The following SPINT1 variants were observed in gnomAD, a reference collection of about 807,000 sequenced individuals.
SPINT1 encodes the protein serine peptidase inhibitor, Kunitz type 1, also known as kunitz-type protease inhibitor 1.
Under a neutral mutation model 53.7 loss-of-function variants are expected in SPINT1, and 38 were observed. The observed-to-expected ratio is 0.71, with a 90% CI of 0.55 to 0.93. The LOEUF is 0.93. SPINT1 is among the 40% of genes least tolerant of loss of function. The pLI, the probability that SPINT1 is intolerant of heterozygous loss-of-function variation, is 0.00. For missense variants in SPINT1, 645 were observed against 692.9 expected, an observed-to-expected ratio of 0.93 and a Z score of 0.78; for synonymous variants, 283 against 280.6, an observed-to-expected ratio of 1.01 and a Z score of -0.08.
At chr15:40,856,648 T>G in intron 10 of SPINT1, 122 bp from the exon 11 acceptor site, 1 of 1,522,426 alleles carries the variant, frequency 6.6e-7, no homozygotes, top group Non-Finnish European at 8.8e-7. Flanking sequence ...GAGGTCTGAG[T>G]CGGGTGCCCA....
In SPINT1 at chr15:40,844,664, C is replaced by T. The variant is rs751615505; in HGVS notation, c.110C>T (p.Pro37Leu). 5 of 1,604,954 alleles carry T rather than the reference C, an allele frequency of 3.1e-6. No homozygotes were observed. The highest frequency in any genetic ancestry group is 8.5e-7 in the Non-Finnish European group (1 of 1,176,072). ...GGCCTCCAGGGCACCCAGGCCGGGC[C>T]ACCGCCCGCGCCCCCTGGGCTGCCC... ...TLGLQGTQAGPPPAPPGLPAG... is the reference protein window; with the variant it reads ...TLGLQGTQAGLPPAPPGLPAG... Residue 37 changes from proline (P) to leucine (L), a missense_variant, in exon 2 of 11, where the codon CCA (proline) becomes CTA (leucine). Coordinates refer to ENST00000562057, the MANE Select transcript of SPINT1 (RefSeq NM_003710.4). The surrounding 1 kb of genome is among the most constrained non-coding windows in gnomAD (Gnocchi z 5.8).
chr15:40,844,599 C>G lies in SPINT1; in HGVS notation c.45C>G (p.Ala15=). The part of the protein sequence containing the change: ...RTMARARLAP[A]GIPAVALWLL... ...TGGCCCGCGCCCGCCTCGCCCCGGC[C>G]GGCATCCCTGCCGTCGCCTTGTGGC... Residue 15 remains alanine, a synonymous_variant, in exon 2 of 11, where the codon GCC becomes GCG. Transcript: ENST00000562057. This position sits in a 1 kb window ranked among gnomAD's most constrained non-coding sequence, Gnocchi z 5.8. The G allele has an allele frequency of 6.2e-7, 1 of 1,609,956 alleles. No individual in the cohort carries two copies. The highest frequency in any genetic ancestry group is 8.5e-7 in the Non-Finnish European group (1 of 1,178,812).
At position 40,854,679 on chromosome 15, in the gene SPINT1, C is replaced by T. The variant is rs1031599577; in HGVS notation, c.1107C>T (p.Pro369=). 6.2e-7 allele frequency: 1 copy of T among 1,614,024 alleles called. No homozygotes were observed. The highest frequency in any genetic ancestry group is 8.5e-7 in the Non-Finnish European group (1 of 1,180,038). The part of the protein sequence containing the change: ...GFDELQRIHF[P]SDKGHCVDLP... ...ACGAGCTCCAGCGCATCCATTTCCC[C>T]AGTGACAAAGGTGAGATCCTCCCCA... is the stretch of plus-strand genomic sequence containing the variant. Residue 369 remains proline, a synonymous_variant, in exon 8 of 11, where the codon CCC becomes CCT. Coordinates refer to ENST00000562057, the MANE Select transcript of SPINT1 (RefSeq NM_003710.4).
rs1364379714 is a variant in SPINT1, at chr15:40,857,391, G to T, written c.*416G>T. 1.0e-5 allele frequency: 2 copies of T among 194,874 alleles called. No individual in the cohort carries two copies. Among genetic ancestry groups the T allele is most frequent in the East Asian group, 2.8e-4 (2 of 7,138 alleles). The allele number at this position is 194,874 out of a possible 1,614,324, so 12.1% of individuals were successfully genotyped here. The stretch of plus-strand genomic sequence containing the variant: ...CAGGGCTGGGAGGAAGGACTTCCCT[G>T]TGTAGTTTGTGCTGTAAAGAGTTGC... On this transcript the variant is annotated 3_prime_UTR_variant, in exon 11 of 11. Transcript: ENST00000562057.
intron 2 of SPINT1, among the ~76,000 whole-genome samples, chr15:40,851,858 T>C (rs559553236): frequency 9.2e-5 from 14 of 152,112 alleles, no homozygotes; most frequent in African/African-American, 3.4e-4. Context: ...CCATCTCTAC[T>C]AAAAATACAA....
At chr15:40,850,410 G>A (rs1160796918) in intron 2 of SPINT1, among the ~76,000 whole-genome samples, 1 of 152,172 alleles carries the variant, frequency 6.6e-6, no homozygotes, top group Non-Finnish European at 1.5e-5. Context: ...GATATGGTGG[G>A]CTGGATTTGG....
Position 40,854,430 on chromosome 15 carries a change from G to A in SPINT1, c.974G>A (p.Arg325His), listed in dbSNP as rs548395522. 25 of 1,610,924 alleles carry A rather than the reference G, an allele frequency of 1.6e-5. No individual in the cohort carries two copies. Among genetic ancestry groups the A allele is most frequent in the African/African-American group, 1.5e-4 (11 of 74,962 alleles). The change falls in exon 7 of 11, where the codon CGC becomes CAC. Residue 325 changes from arginine (R) to histidine (H), a missense_variant. Arg to His is a conservative substitution (Grantham distance 29). Transcript: ENST00000562057. ...GGCACCTGTCAGCCCACCCAGTTCC[G>A]CTGCAGCAATGGCTGCTGCATCGAC... The part of the protein sequence containing the change: ...CSGTCQPTQF[R>H]CSNGCCIDSF...
chr15:40,844,786 T>G lies in SPINT1; in HGVS notation c.232T>G (p.Ser78Ala). The change falls in exon 2 of 11, where the codon TCC (serine) becomes GCC (alanine). Residue 78 changes from serine (S) to alanine (A), a missense_variant. Transcript: ENST00000562057. The surrounding 1 kb of genome is among the most constrained non-coding windows in gnomAD (Gnocchi z 5.8). ...SVSNGATFLE[S>A]PTVRRGWDCV... is the part of the protein sequence containing the mutation. ...CAGCAACGGAGCTACCTTCCTGGAGTCCCCCACCGTGCGCCGGGGCTGGGA... is the reference window on the plus strand; with the variant it reads ...CAGCAACGGAGCTACCTTCCTGGAGGCCCCCACCGTGCGCCGGGGCTGGGA... The G allele has an allele frequency of 6.2e-7, 1 of 1,612,474 alleles. No homozygotes were observed. The highest frequency in any genetic ancestry group is 8.5e-7 in the Non-Finnish European group (1 of 1,179,438).
At chr15:40,849,199 TCA>T (rs1023421921) in intron 2 of SPINT1, among the ~76,000 whole-genome samples, 3 of 150,004 alleles carry the variant, frequency 2.0e-5, no homozygotes, top group African/African-American at 7.4e-5. Context: ...TGAGCCAAGA[TCA>T]CGCCACTGCC....
In SPINT1 at chr15:40,854,096, A is replaced by C. The variant is rs1268819935; in HGVS notation, c.940+10A>C. The C allele has an allele frequency of 1.3e-6, 2 of 1,531,088 alleles. No homozygotes were observed. Among genetic ancestry groups the C allele is most frequent in the East Asian group, 2.3e-5 (1 of 44,164 alleles). The allele number at this position is 1,531,088 out of a possible 1,614,324, so 94.8% of individuals were successfully genotyped here. A position where few individuals can be genotyped will look rare whatever the true frequency, so the allele number is the denominator to read the frequency against. On this transcript the variant is annotated intron_variant, in intron 6 of 10. Coordinates refer to ENST00000562057, the MANE Select transcript of SPINT1 (RefSeq NM_003710.4). The stretch of plus-strand genomic sequence containing the variant: ...GAAAGGCGCCATCCAGGTGGGCTTT[A>C]CTCCCCTCCCCATCCCCCATCCCCA...
Position 40,856,048 on chromosome 15 carries a change from G to A in SPINT1, c.1274G>A (p.Cys425Tyr). The A allele has an allele frequency of 6.2e-7, 1 of 1,614,100 alleles. No homozygotes were observed. The highest frequency in any genetic ancestry group is 8.5e-7 in the Non-Finnish European group (1 of 1,180,006). Residue 425 changes from cysteine to tyrosine, a missense_variant, in exon 9 of 11, where the codon TGT becomes TAT. Transcript: ENST00000562057. ...GAAGAGCAGCAGTGCCTCGAGTCTT[G>A]TCGCGGCATCTCCAGTGAGTGGGCC... ...FEEEQQCLESCRGISKKDVFG... is the reference protein window; with the variant it reads ...FEEEQQCLESYRGISKKDVFG...
chr15:40,846,321 G>A (rs1891294956), intron 2 of SPINT1, among the ~76,000 whole-genome samples: 1 of 152,162 alleles, frequency 6.6e-6, no homozygotes, highest in Non-Finnish European at 1.5e-5. Flanking sequence ...CAGGGCAGGG[G>A]TAGGTCACCT....
intron 6 of SPINT1, 87 bp downstream of exon 6, chr15:40,854,173 C>T: frequency 7.0e-7 from 1 of 1,428,662 alleles, no homozygotes; most frequent in South Asian, 1.4e-5. Context: ...CTGCCTTTGA[C>T]CAAGCCATTC....
At chr15:40,849,046 A>G (rs1183041323) in intron 2 of SPINT1, among the ~76,000 whole-genome samples, 1 of 151,318 alleles carries the variant, frequency 6.6e-6, no homozygotes, top group Admixed American at 6.6e-5. Context: ...GGAGATTGAG[A>G]CCATCCTGGC....
chr15:40,853,925 C>T (rs1891545455), intron 5 of SPINT1, 44 bp downstream of exon 5: 1 of 1,614,066 alleles, frequency 6.2e-7, no homozygotes, highest in Non-Finnish European at 8.5e-7. Flanking sequence ...CGACTTTCCC[C>T]CAGGGTGAGT....
At chr15:40,854,618 T>G in intron 7 of SPINT1, 21 bp from the exon 8 acceptor site, 1 of 1,614,228 alleles carries the variant, frequency 6.2e-7, no homozygotes, top group Admixed American at 1.7e-5. Flanking sequence ...GGTCTGAGAC[T>G]CTGACCTTTC....
At position 40,857,085 on chromosome 15, in the gene SPINT1, G is replaced by A. The variant is rs1221620838; in HGVS notation, c.*110G>A. ...CTCTTGCCTGTTTCCCAGGCCCACT[G>A]TGCCTCAGAGACCAGGGCTCCAGCC... On this transcript the variant is annotated 3_prime_UTR_variant, in exon 11 of 11. Coordinates refer to ENST00000562057, the MANE Select transcript of SPINT1 (RefSeq NM_003710.4). 7.2e-7 allele frequency: 1 copy of A among 1,389,606 alleles called. No homozygotes were observed. The highest frequency in any genetic ancestry group is 1.4e-5 in the African/African-American group (1 of 69,340). The allele number at this position is 1,389,606 out of a possible 1,614,324, so 86.1% of individuals were successfully genotyped here. A position where few individuals can be genotyped will look rare whatever the true frequency, so the allele number is the denominator to read the frequency against.
intron 2 of SPINT1, among the ~76,000 whole-genome samples, chr15:40,849,054 G>A (rs1343029325): frequency 2.0e-5 from 3 of 151,714 alleles, no homozygotes; most frequent in Non-Finnish European, 4.4e-5. Context: ...AGACCATCCT[G>A]GCTAACACGG....
chr15:40,854,004 C>T (rs1891549033), intron 5 of SPINT1, 56 bp from the exon 6 acceptor site: 1 of 902,344 alleles, frequency 1.1e-6, no homozygotes, highest in South Asian at 1.3e-5. Context: ...CCCCAATTAT[C>T]TCATCCCCAC....
Sources: gnomAD v4.1 joint callset for allele counts (sites outside exome capture counted in the v4.1 genomes callset) on GRCh38, gnomAD v4.1.1 for gene constraint, Gnocchi (gnomAD v3.1) non-coding constraint, MANE v1.5 for transcripts, NCBI Gene and HGNC (gene_info 2026-07-23, HGNC 2026-07-21) for gene names.